The following PCCA variants were observed in gnomAD, a reference collection of about 807,000 sequenced individuals.
The protein encoded by PCCA is propionyl-CoA carboxylase alpha chain, mitochondrial.
PCCA carries 74 observed loss-of-function variants against 101.3 expected under a neutral mutation model. The ratio of observed to expected loss-of-function variants is 0.73; its 90% CI spans 0.61 to 0.89. The LOEUF (loss-of-function observed/expected upper bound fraction) is 0.89, where lower values mean the gene tolerates loss of function less well. Ranked by LOEUF, PCCA falls within the 40% of genes least tolerant of loss-of-function variation. The pLI is 0.00. For synonymous variants in PCCA, 294 were observed against 313.6 expected, an observed-to-expected ratio of 0.94 and a Z score of 0.66; for missense variants, 891 against 907.0, an observed-to-expected ratio of 0.98 and a Z score of 0.23.
intron 20 of PCCA, among the ~76,000 whole-genome samples, chr13:100,437,869 C>A (rs1054078229): frequency 6.6e-5 from 10 of 152,048 alleles, no homozygotes; most frequent in African/African-American, 2.4e-4. Flanking sequence ...GGGGTTTTAC[C>A]ATGTTGGCCA....
chr13:100,390,478 G>A (rs1194278335), intron 19 of PCCA, among the ~76,000 whole-genome samples: 1 of 152,162 alleles, frequency 6.6e-6, no homozygotes, highest in Admixed American at 6.5e-5. Context: ...TTGAACACGG[G>A]TTGAATTGAG....
At chr13:100,199,286 A>T (rs779657535) in intron 6 of PCCA, among the ~76,000 whole-genome samples, 16 of 150,288 alleles carry the variant, frequency 1.1e-4, no homozygotes, top group Non-Finnish European at 2.1e-4. Flanking sequence ...TATAGTAATC[A>T]TTTTTTTTTG....
At chr13:100,249,155 T>C (rs1264073686) in intron 8 of PCCA, among the ~76,000 whole-genome samples, 1 of 152,212 alleles carries the variant, frequency 6.6e-6, no homozygotes, top group Non-Finnish European at 1.5e-5. Context: ...TGGTGTTATA[T>C]GTAAAAACTC....
chr13:100,429,543 T>G (rs1009667993), intron 20 of PCCA, among the ~76,000 whole-genome samples: 5 of 151,988 alleles, frequency 3.3e-5, no homozygotes, highest in African/African-American at 1.2e-4. Flanking sequence ...TATTAAATAT[T>G]ACTATTTATC....
chr13:100,347,040 AT>A (rs1309855695), intron 18 of PCCA, among the ~76,000 whole-genome samples: 2 of 151,740 alleles, frequency 1.3e-5, no homozygotes, highest in African/African-American at 4.8e-5. Context: ...CACCCCACTA[AT>A]TTTTTTGTAT....
At chr13:100,094,759 T>C (rs1412839731) in intron 1 of PCCA, among the ~76,000 whole-genome samples, 1 of 152,196 alleles carries the variant, frequency 6.6e-6, no homozygotes. Flanking sequence ...AGCTAATTTT[T>C]ATATTTTTAG....
chr13:100,417,845 C>T (rs1369324042), intron 19 of PCCA, among the ~76,000 whole-genome samples: 1 of 152,138 alleles, frequency 6.6e-6, no homozygotes, highest in East Asian at 1.9e-4. Flanking sequence ...CCACACGCAC[C>T]TCCAAGACAG....
chr13:100,404,503 C>T (rs1478317296), intron 19 of PCCA, among the ~76,000 whole-genome samples: 1 of 151,988 alleles, frequency 6.6e-6, no homozygotes, highest in Non-Finnish European at 1.5e-5. Context: ...CCTGGGGGTC[C>T]CGGATGCATT....
At chr13:100,115,616 T>C (rs9582371) in intron 4 of PCCA, among the ~76,000 whole-genome samples, 69 of 152,276 alleles carry the variant, frequency 4.5e-4, no homozygotes, top group African/African-American at 1.5e-3. Flanking sequence ...AGCTCCATTA[T>C]TGGAGCTGAA....
chr13:100,320,490 A>T (rs1425217799), intron 16 of PCCA, among the ~76,000 whole-genome samples: 1 of 152,204 alleles, frequency 6.6e-6, no homozygotes, highest in Non-Finnish European at 1.5e-5. Context: ...TTATTTTGAG[A>T]TACGTCCCAT....
At chr13:100,141,736 G>T (rs2051899197) in intron 4 of PCCA, among the ~76,000 whole-genome samples, 2 of 152,116 alleles carry the variant, frequency 1.3e-5, no homozygotes, top group Non-Finnish European at 2.9e-5. Context: ...ATTGCAGTTG[G>T]TGTATAAGTC....
chr13:100,395,838 A>T (rs1210267614), intron 19 of PCCA, among the ~76,000 whole-genome samples: 1 of 152,210 alleles, frequency 6.6e-6, no homozygotes, highest in African/African-American at 2.4e-5. Flanking sequence ...AGGGAGCCCT[A>T]TTTCTAGTAG....
chr13:100,386,132 T>A (rs1008897755), intron 19 of PCCA, among the ~76,000 whole-genome samples: 2 of 152,132 alleles, frequency 1.3e-5, no homozygotes, highest in African/African-American at 4.8e-5. Flanking sequence ...CTCCAAAAGT[T>A]TTGCTTAGGG....
At chr13:100,290,790 CTCTTGACATTATT>C (rs1269387973) in intron 12 of PCCA, among the ~76,000 whole-genome samples, 1 of 152,122 alleles carries the variant, frequency 6.6e-6, no homozygotes, top group Non-Finnish European at 1.5e-5. Flanking sequence ...TATGCTGTGT[CTCTTGACATTATT>C]TCTTTATTGA....
intron 14 of PCCA, among the ~76,000 whole-genome samples, chr13:100,305,368 G>A (rs929131973): frequency 3.3e-5 from 5 of 152,192 alleles, no homozygotes; most frequent in Non-Finnish European, 4.4e-5. Flanking sequence ...GAAGTTTTAA[G>A]TAAGGAACTG....
intron 19 of PCCA, among the ~76,000 whole-genome samples, chr13:100,376,616 TTC>T: frequency 1.3e-5 from 2 of 152,290 alleles, no homozygotes; most frequent in Admixed American, 1.3e-4. Context: ...GCTTTGTTTA[TTC>T]TCTGAGGGGA....
chr13:100,293,218 A>G (rs2065269800), intron 12 of PCCA: 1 of 471,460 alleles, frequency 2.1e-6, no homozygotes, highest in Non-Finnish European at 4.4e-6. Context: ...TGATTGGTAC[A>G]GTGCAGGAGG....
chr13:100,276,291 A>G (rs968124385), intron 12 of PCCA, among the ~76,000 whole-genome samples: 1 of 150,712 alleles, frequency 6.6e-6, no homozygotes, highest in Non-Finnish European at 1.5e-5. Context: ...TATTGAAAAT[A>G]TTATTTCACT....
intron 8 of PCCA, among the ~76,000 whole-genome samples, chr13:100,238,727 T>G (rs933024889): frequency 2.6e-5 from 4 of 152,188 alleles, no homozygotes; most frequent in African/African-American, 9.6e-5. Flanking sequence ...CTAAAGTAAA[T>G]TAAATTATGT....
Sources: gnomAD v4.1 joint callset for allele counts (sites outside exome capture counted in the v4.1 genomes callset) on GRCh38, gnomAD v4.1.1 for gene constraint, MANE v1.5 for transcripts, NCBI Gene and HGNC (gene_info 2026-07-23, HGNC 2026-07-21) for gene names.